Variants in SV2B observed in about 807,000 individuals in gnomAD.
SV2B encodes solute carrier family 22 member B2.
A neutral mutation model predicts 73.9 loss-of-function variants in SV2B; 41 were observed. The observed-to-expected ratio is 0.56, with a 90% CI of 0.43 to 0.72. SV2B has a LOEUF of 0.72. Ranked by LOEUF, SV2B falls within the 30% of genes least tolerant of loss-of-function variation. The pLI is 0.00. For synonymous variants in SV2B, 314 were observed against 314.2 expected (o/e 1.00, Z 0.01); for missense variants, 764 against 857.8 (o/e 0.89, Z 1.37).
intron 1 of SV2B, among the ~76,000 whole-genome samples, chr15:91,218,145 T>G (rs990607021): frequency 4.6e-5 from 7 of 152,080 alleles, no homozygotes; most frequent in Non-Finnish European, 1.0e-4. Flanking sequence ...AAATGAAGAC[T>G]CTCCAAAAAA....
intron 6 of SV2B, among the ~76,000 whole-genome samples, chr15:91,260,902 G>A (rs2141654592): frequency 6.6e-6 from 1 of 152,242 alleles, no homozygotes; most frequent in East Asian, 1.9e-4. Flanking sequence ...AACAGTATGG[G>A]TGAAACCACC....
At chr15:91,279,621 A>G (rs535621235) in intron 9 of SV2B, among the ~76,000 whole-genome samples, 15 of 152,332 alleles carry the variant, frequency 9.8e-5, no homozygotes, top group African/African-American at 3.6e-4. Context: ...ACTGACTTGG[A>G]GAGACATTTT....
intron 9 of SV2B, among the ~76,000 whole-genome samples, chr15:91,274,608 G>T (rs187606115): frequency 6.0e-4 from 91 of 152,188 alleles, no homozygotes; most frequent in African/African-American, 2.1e-3. Flanking sequence ...AAATCTGTTG[G>T]ATCTGTAATT....
At chr15:91,173,897 A>G (rs1029936044) in intron 1 of SV2B, among the ~76,000 whole-genome samples, 1 of 152,126 alleles carries the variant, frequency 6.6e-6, no homozygotes, top group Admixed American at 6.5e-5. Context: ...CAGTACTTTG[A>G]TGCCTTTTTC....
chr15:91,249,547 G>T (rs2047398686), intron 2 of SV2B, among the ~76,000 whole-genome samples: 1 of 152,188 alleles, frequency 6.6e-6, no homozygotes, highest in South Asian at 2.1e-4. Context: ...ATGCTTATCT[G>T]TAAAGAGCAG....
rs1385217298 is a variant in SV2B at position 91,265,597 on chromosome 15, G to A, written c.1009-985G>A. ...CCTGTAGCCTCCTTTATCTGTAGCT[G>A]GGGGTCATAACATCCATGAAGGTAC... On this transcript the variant is annotated intron_variant, in intron 6 of 12. Coordinates refer to ENST00000394232, the MANE Select transcript of SV2B (RefSeq NM_001323032.3). This position sits in a 1 kb window ranked among gnomAD's most constrained non-coding sequence, Gnocchi z 4.2. 6.6e-6 allele frequency among the ~76,000 whole-genome samples: 1 copy of A among 152,194 alleles called. No homozygotes were observed. Among genetic ancestry groups the A allele is most frequent in the Non-Finnish European group, 1.5e-5 (1 of 68,040 alleles).
intron 1 of SV2B, among the ~76,000 whole-genome samples, chr15:91,116,865 T>C (rs2042194768): frequency 6.6e-6 from 1 of 152,218 alleles, no homozygotes; most frequent in African/African-American, 2.4e-5. Context: ...ATGTCTTACA[T>C]GGCGGCAGGC....
At position 91,221,693 on chromosome 15, in the gene SV2B, G is replaced by GCGCGCGCGCGCA. The variant is rs370290337; in HGVS notation, c.-391-4179_-391-4178insGCGCGCGCGCAC. On this transcript the variant is annotated intron_variant, in intron 1 of 12. Transcript: ENST00000394232. Reference sequence around the variant, plus strand: ...CTGTGGACTATTACCAAGCATGTGCGCACACACACACACACACACACACAC... The same window carrying GCGCGCGCGCGCA: ...CTGTGGACTATTACCAAGCATGTGCGCGCGCGCGCGCACACACACACACACACACACACACAC... Among the ~76,000 whole-genome samples the GCGCGCGCGCGCA allele has an allele frequency of 2.0e-3, 286 of 140,158 alleles. 1 individual carries two copies. Among genetic ancestry groups the GCGCGCGCGCGCA allele is most frequent in the African/African-American group, 6.1e-3 (219 of 35,816 alleles). 91.9% of individuals were successfully genotyped at this position (140,158 alleles called of 152,430 possible).
rs1189837505 is a variant in SV2B at position 91,292,591 on chromosome 15, C to T, written c.*39C>T. The T allele has an allele frequency of 6.3e-7, 1 of 1,587,202 alleles. No individual in the cohort carries two copies. Among genetic ancestry groups the T allele is most frequent in the Non-Finnish European group, 8.6e-7 (1 of 1,167,384 alleles). On this transcript the variant is annotated 3_prime_UTR_variant, in exon 13 of 13. Coordinates refer to ENST00000394232, the MANE Select transcript of SV2B (RefSeq NM_001323032.3). ...AAAGGAAAGGTCGAGAGAATCTTGT[C>T]CAGGACACTGAAATGCATCCACACT...
At chr15:91,166,709 C>G (rs2141266054) in intron 1 of SV2B, among the ~76,000 whole-genome samples, 1 of 152,128 alleles carries the variant, frequency 6.6e-6, no homozygotes, top group East Asian at 1.9e-4. Flanking sequence ...AGTTCATCAG[C>G]TCTTTCCTGA....
At chr15:91,250,182 C>T (rs11853198) in intron 2 of SV2B, among the ~76,000 whole-genome samples, 58,997 of 152,056 alleles carry the variant, frequency 0.39, 14,487 homozygotes, top group African/African-American at 0.7. Flanking sequence ...AAGTGAGATT[C>T]GTCCTTGGCA....
intron 1 of SV2B, among the ~76,000 whole-genome samples, chr15:91,186,497 T>G (rs2044775490): frequency 6.6e-6 from 1 of 152,202 alleles, no homozygotes; most frequent in Non-Finnish European, 1.5e-5. Context: ...GAGATTTGGT[T>G]TTCTAATTTT....
intron 1 of SV2B, among the ~76,000 whole-genome samples, chr15:91,218,504 C>T (rs1567355322): frequency 6.6e-6 from 1 of 152,110 alleles, no homozygotes; most frequent in Non-Finnish European, 1.5e-5. Flanking sequence ...TGGAACCTCA[C>T]CCCTTTCCAC....
At position 91,223,633 on chromosome 15, in the gene SV2B, C is replaced by T. The variant is rs746000306; in HGVS notation, c.-391-2240C>T. 3.9e-5 allele frequency among the ~76,000 whole-genome samples: 6 copies of T among 152,162 alleles called. No homozygotes were observed. The highest frequency in any genetic ancestry group is 6.5e-5 in the Admixed American group (1 of 15,278). On this transcript the variant is annotated intron_variant, in intron 1 of 12. Coordinates refer to ENST00000394232, the MANE Select transcript of SV2B (RefSeq NM_001323032.3). The surrounding 1 kb of genome is among the most constrained non-coding windows in gnomAD (Gnocchi z 4.6). The stretch of plus-strand genomic sequence containing the variant: ...TGGCGTTCTTTCCATGTTTTTATAG[C>T]GCTCTGCAAACTCTCCTGCTGTTTA...
intron 1 of SV2B, among the ~76,000 whole-genome samples, chr15:91,218,917 T>A (rs952629485): frequency 1.3e-5 from 2 of 151,938 alleles, no homozygotes; most frequent in Admixed American, 6.6e-5. Context: ...CACAGCAGAG[T>A]TGCTATATTT....
chr15:91,173,542 C>G (rs993447050), intron 1 of SV2B, among the ~76,000 whole-genome samples: 19 of 152,134 alleles, frequency 1.2e-4, no homozygotes, highest in African/African-American at 4.6e-4. Flanking sequence ...AGTGGCCCAC[C>G]CAGGGCCACT....
intron 1 of SV2B, among the ~76,000 whole-genome samples, chr15:91,155,110 A>G (rs1457617192): frequency 1.3e-5 from 2 of 152,060 alleles, no homozygotes; most frequent in Admixed American, 6.6e-5. Flanking sequence ...CTTCCCACTC[A>G]TGGACAACTC....
intron 1 of SV2B, among the ~76,000 whole-genome samples, chr15:91,150,292 C>A (rs1036275653): frequency 6.6e-6 from 1 of 152,158 alleles, no homozygotes; most frequent in Non-Finnish European, 1.5e-5. Context: ...CAGACGTGAG[C>A]CACCACGCCC....
intron 1 of SV2B, among the ~76,000 whole-genome samples, chr15:91,204,049 G>T (rs1341475232): frequency 1.3e-5 from 2 of 152,134 alleles, no homozygotes; most frequent in Non-Finnish European, 2.9e-5. Flanking sequence ...TGGTTTCCAG[G>T]CCCCAAAAGA....
Sources: gnomAD v4.1 joint callset for allele counts (sites outside exome capture counted in the v4.1 genomes callset) on GRCh38, gnomAD v4.1.1 for gene constraint, Gnocchi (gnomAD v3.1) non-coding constraint, MANE v1.5 for transcripts, NCBI Gene and HGNC (gene_info 2026-07-23, HGNC 2026-07-21) for gene names.